The following NCOA5 variants were observed in gnomAD, a reference collection of about 807,000 sequenced individuals.
The protein encoded by NCOA5 is nuclear receptor coactivator 5, also known as NCoA-5.
A neutral mutation model predicts 59.0 loss-of-function variants in NCOA5; 12 were observed. The ratio of observed to expected loss-of-function variants is 0.20; its 90% confidence interval spans 0.13 to 0.33. The LOEUF is 0.33. Among genes scored for constraint, NCOA5 ranks in the 10% least tolerant of loss-of-function variants. NCOA5 has a pLI of 1.00. For missense variants in NCOA5, 655 were observed against 766.6 expected (o/e 0.85, Z 1.72); for synonymous variants, 270 against 275.5 (o/e 0.98, Z 0.20).
rs2084809187 is a variant in NCOA5 at position 46,065,161 on chromosome 20, T to C, written c.697A>G (p.Asn233Asp). Residue 233 changes from asparagine to aspartate, a missense_variant, in exon 6 of 8, where the codon AAC becomes GAC. Around this residue, in one of 3 missense-constraint regions of NCOA5, gnomAD observed 80 missense variants for 153.3 expected, o/e 0.52. Coordinates refer to ENST00000290231, the MANE Select transcript of NCOA5 (RefSeq NM_020967.3). ...LGMVVDLIFLNTEVSLSQALE... is the reference protein window; with the variant it reads ...LGMVVDLIFLDTEVSLSQALE... ...GCTTGTGACAGTGACACTTCTGTGT[T>C]AAGGAAGATCAAGTCCACTACCATG... is the stretch of plus-strand genomic sequence containing the variant. The C allele has an allele frequency of 1.2e-6, 2 of 1,614,176 alleles. No homozygotes were observed. Among genetic ancestry groups the C allele is most frequent in the Non-Finnish European group, 1.7e-6 (2 of 1,180,032 alleles).
intron 2 of NCOA5, among the ~76,000 whole-genome samples, chr20:46,072,190 C>A (rs2084889744): frequency 6.6e-6 from 1 of 152,184 alleles, no homozygotes; most frequent in African/African-American, 2.4e-5. Flanking sequence ...ATCATCTCAC[C>A]CTCAAACCAC....
intron 1 of NCOA5, among the ~76,000 whole-genome samples, chr20:46,087,964 T>C (rs915541415): frequency 1.3e-5 from 2 of 151,712 alleles, no homozygotes; most frequent in African/African-American, 4.8e-5. Context: ...GAGAGATACA[T>C]ACACACACAC....
At chr20:46,067,936 CT>C (rs879479204) in intron 4 of NCOA5, among the ~76,000 whole-genome samples, 4,042 of 145,332 alleles carry the variant, frequency 0.028, 159 homozygotes, top group African/African-American at 0.091. Flanking sequence ...TCATTTTTCT[CT>C]TTTTTTTTTT....
chr20:46,062,805 T>G lies in NCOA5; in HGVS notation c.1235A>C (p.Gln412Pro). 1.3e-6 allele frequency: 2 copies of G among 1,571,706 alleles called. No homozygotes were observed. The highest frequency in any genetic ancestry group is 2.7e-5 in the African/African-American group (2 of 73,982). ...QPSSQPLQSG[Q>P]VLPSATPTPS... is the part of the protein sequence containing the mutation. ...AGTGGGTGTAGCAGAGGGGAGCACT[T>G]GGCCGCTCTGGAGCGGTTGGGAGCT... Residue 412 changes from glutamine to proline, a missense_variant, in exon 8 of 8, where the codon CAA becomes CCA. Physicochemically the swap from Gln to Pro is moderately conservative, Grantham distance 76. Around this residue, in one of 3 missense-constraint regions of NCOA5, gnomAD observed 325 missense variants for 353.2 expected, o/e 0.92. Transcript: ENST00000290231.
chr20:46,089,749 G>A (rs1357302247), intron 1 of NCOA5, 68 bp downstream of exon 1: 1 of 152,076 alleles, frequency 6.6e-6, no homozygotes, highest in Non-Finnish European at 1.5e-5. Flanking sequence ...CGTCCGGCCA[G>A]GCCCCCCACA....
chr20:46,089,409 G>T (rs2085076836), intron 1 of NCOA5, among the ~76,000 whole-genome samples: 1 of 152,238 alleles, frequency 6.6e-6, no homozygotes, highest in East Asian at 1.9e-4. Flanking sequence ...GGCCCGGTTC[G>T]AATCCCGACT....
chr20:46,083,630 T>C (rs2085015438), intron 1 of NCOA5, among the ~76,000 whole-genome samples: 1 of 152,250 alleles, frequency 6.6e-6, no homozygotes, highest in African/African-American at 2.4e-5. Flanking sequence ...TATACTGTTT[T>C]AATAACTGAC....
chr20:46,065,373 C>T (rs1006890301), intron 5 of NCOA5, 145 bp from the exon 6 acceptor site: 52 of 761,948 alleles, frequency 6.8e-5, no homozygotes, highest in Non-Finnish European at 9.1e-5. Flanking sequence ...TAGACCAATA[C>T]TCTCTCTCTA....
intron 7 of NCOA5, 112 bp downstream of exon 7, chr20:46,063,248 T>C (rs752792835): frequency 1.2e-4 from 130 of 1,074,494 alleles, no homozygotes; most frequent in Non-Finnish European, 1.6e-4. Flanking sequence ...GGGATGGACT[T>C]AGTTCCCTTA....
chr20:46,088,534 C>T (rs1223253369), intron 1 of NCOA5, among the ~76,000 whole-genome samples: 1 of 152,216 alleles, frequency 6.6e-6, no homozygotes, highest in African/African-American at 2.4e-5. Context: ...GTTGTCAAAA[C>T]TCACAAAAGC....
chr20:46,073,678 GACCACACACAAA>G (rs1182171842), intron 2 of NCOA5, among the ~76,000 whole-genome samples: 1 of 152,214 alleles, frequency 6.6e-6, no homozygotes, highest in Non-Finnish European at 1.5e-5. Context: ...ACAGACCACA[GACCACACACAAA>G]GCCTTGGGCT....
rs1028789744 is a variant in NCOA5, at chr20:46,075,209, A to G, written c.38+4178T>C. Among the ~76,000 whole-genome samples, 45 of 152,118 alleles carry G rather than the reference A, an allele frequency of 3.0e-4. 1 individual carries two copies. The highest frequency in any genetic ancestry group is 7.4e-5 in the Non-Finnish European group (5 of 68,026). ...CACCTCACAGACCCAAATTTTACAC[A>G]TGTCCATGCTTTTCCTTAGGAAGCA... On this transcript the variant is annotated intron_variant, in intron 2 of 7. Coordinates refer to ENST00000290231, the MANE Select transcript of NCOA5 (RefSeq NM_020967.3).
chr20:46,085,666 T>C (rs987145088), intron 1 of NCOA5, among the ~76,000 whole-genome samples: 1 of 152,082 alleles, frequency 6.6e-6, no homozygotes, highest in African/African-American at 2.4e-5. Context: ...TACAGGAAGT[T>C]TGGTGTTGGG....
chr20:46,075,878 C>T (rs1415930311), intron 2 of NCOA5, among the ~76,000 whole-genome samples: 1 of 152,182 alleles, frequency 6.6e-6, no homozygotes, highest in Non-Finnish European at 1.5e-5. Context: ...GAAATGTGAT[C>T]CAGAGCAGAG....
intron 2 of NCOA5, among the ~76,000 whole-genome samples, chr20:46,073,757 A>ATC (rs2084908642): frequency 6.6e-6 from 1 of 152,050 alleles, no homozygotes; most frequent in African/African-American, 2.4e-5. Flanking sequence ...TCGGAGTATT[A>ATC]TAAGTGTTAT....
chr20:46,063,471 T>C lies in NCOA5; in HGVS notation c.1039A>G (p.Asn347Asp), dbSNP rs1347352423. ...AGGTACCTGTTGTCTGCCAGCAGGT[T>C]GATGAGGCTCTGGATGGCTGGAGGG... ...GHPPAIQSLI[N>D]LLADNRYLTA... The change falls in exon 7 of 8, where the codon AAC becomes GAC. Residue 347 changes from asparagine to aspartate, a missense_variant. By Grantham distance (23) the Asn-to-Asp change is conservative (BLOSUM62 1). Transcript: ENST00000290231. 1.2e-6 allele frequency: 2 copies of C among 1,614,232 alleles called. No homozygotes were observed. Among genetic ancestry groups the C allele is most frequent in the Middle Eastern group, 1.6e-4 (1 of 6,062 alleles).
intron 4 of NCOA5, 71 bp downstream of exon 4, chr20:46,068,431 G>T: frequency 4.6e-6 from 7 of 1,512,856 alleles, no homozygotes; most frequent in Non-Finnish European, 6.2e-6. Flanking sequence ...GGGGGTACTG[G>T]TTATTAGTTT....
chr20:46,063,766 T>C (rs2084793193), intron 6 of NCOA5, 86 bp from the exon 7 acceptor site: 3 of 1,291,806 alleles, frequency 2.3e-6, no homozygotes, highest in Non-Finnish European at 2.1e-6. Context: ...TTTCCTAACC[T>C]CATACCAGCA....
chr20:46,067,012 T>C (rs2084831203), intron 5 of NCOA5, 43 bp downstream of exon 5: 3 of 1,601,768 alleles, frequency 1.9e-6, no homozygotes, highest in Non-Finnish European at 2.6e-6. Flanking sequence ...TGAATTTCTC[T>C]GACTCTTCTC....
Sources: gnomAD v4.1 joint callset for allele counts (sites outside exome capture counted in the v4.1 genomes callset) on GRCh38, gnomAD v4.1.1 for gene constraint, gnomAD v4.1.1 regional missense constraint, MANE v1.5 for transcripts, NCBI Gene and HGNC (gene_info 2026-07-23, HGNC 2026-07-21) for gene names.